The following ATG16L2 variants were observed in gnomAD, a reference collection of about 807,000 sequenced individuals.
ATG16L2 encodes the protein protein Atg16l2.
Under a neutral mutation model 84.7 loss-of-function variants are expected in ATG16L2, and 77 were observed. The ratio of observed to expected loss-of-function variants is 0.91; its 90% confidence interval spans 0.76 to 1.10. The LOEUF (loss-of-function observed/expected upper bound fraction) is 1.10, where lower values mean the gene tolerates loss of function less well. ATG16L2 is among the 50% of genes least tolerant of loss of function. ATG16L2 has a pLI of 0.00. For missense variants in ATG16L2, 782 were observed against 817.6 expected, an observed-to-expected ratio of 0.96 and a Z score of 0.53; for synonymous variants, 361 against 342.8, an observed-to-expected ratio of 1.05 and a Z score of -0.59.
chr11:72,823,749 GTC>G (rs1474043638), intron 7 of ATG16L2: 1 of 506,008 alleles, frequency 2.0e-6, no homozygotes, highest in African/African-American at 1.9e-5. Flanking sequence ...AACCTTCAGC[GTC>G]TCTCCTCCCT....
At chr11:72,834,522 T>C (rs1860676139), downstream of ATG16L2, among the ~76,000 whole-genome samples, 1 of 152,124 alleles carries the variant, frequency 6.6e-6, no homozygotes, top group African/African-American at 2.4e-5. Flanking sequence ...TCTCTGTATC[T>C]AGAAACAACT....
chr11:72,834,364 T>C (rs952023730), downstream of ATG16L2, among the ~76,000 whole-genome samples: 9 of 152,280 alleles, frequency 5.9e-5, no homozygotes, highest in East Asian at 1.9e-4. Flanking sequence ...TGGGATGCAG[T>C]TGCAATCTAG....
In ATG16L2 at chr11:72,829,373, G is replaced by A. The variant is rs1484692802; in HGVS notation, c.1843G>A (p.Val615Ile). 6.2e-7 allele frequency: 1 copy of A among 1,611,748 alleles called. No individual in the cohort carries two copies. Residue 615 changes from valine to isoleucine, a missense_variant, in exon 18 of 18, where the codon GTT becomes ATT. Transcript: ENST00000321297. ...HMVSVDQGRK[V>I]VLWQ ...GGTGAGCGTGGACCAGGGCAGGAAG[G>A]TTGTGCTCTGGCAGTAGGGCCACGA...
intron 15 of ATG16L2, 87 bp from the exon 16 acceptor site, chr11:72,828,642 C>A: frequency 1.3e-6 from 2 of 1,595,948 alleles, no homozygotes; most frequent in Non-Finnish European, 8.6e-7. Flanking sequence ...CCAAACCCCT[C>A]GACAAAGAGG....
downstream of ATG16L2, among the ~76,000 whole-genome samples, chr11:72,831,641 G>T (rs1238854484): frequency 6.6e-6 from 1 of 152,168 alleles, no homozygotes; most frequent in Admixed American, 6.5e-5. Flanking sequence ...GCCACCAGGG[G>T]TCACCAGCTG....
downstream of ATG16L2, among the ~76,000 whole-genome samples, chr11:72,830,644 G>A (rs1393232112): frequency 6.6e-6 from 1 of 152,220 alleles, no homozygotes; most frequent in African/African-American, 2.4e-5. Context: ...CCAACAGGGT[G>A]ACTTTCTAGG....
chr11:72,828,683 G>C (rs1293987576), intron 15 of ATG16L2, 46 bp from the exon 16 acceptor site: 1 of 1,611,052 alleles, frequency 6.2e-7, no homozygotes, highest in African/African-American at 1.3e-5. Context: ...AGAGGGCAGA[G>C]ACTAGTGATG....
At chr11:72,824,354 CAG>C in intron 8 of ATG16L2, 1 of 594,460 alleles carries the variant, frequency 1.7e-6, no homozygotes, top group Non-Finnish European at 3.0e-6. Flanking sequence ...AAGGTCGTCA[CAG>C]GGGACCAAGA....
At chr11:72,838,685 TGC>T in intron 5 of ATG16L2, 1 of 875,522 alleles carries the variant, frequency 1.1e-6, no homozygotes, top group Non-Finnish European at 1.8e-6. Flanking sequence ...CCTTGTTTTT[TGC>T]TCTGTTCAAG....
Position 72,828,500 on chromosome 11 carries a change from G to A in ATG16L2, c.1614G>A (p.Gln538=), listed in dbSNP as rs750803354. 6.2e-7 allele frequency: 1 copy of A among 1,614,188 alleles called. No individual in the cohort carries two copies. Among genetic ancestry groups the A allele is most frequent in the Non-Finnish European group, 8.5e-7 (1 of 1,180,048 alleles). Residue 538 remains glutamine, a synonymous_variant, in exon 15 of 18, where the codon CAG becomes CAA. Coordinates refer to ENST00000321297, the MANE Select transcript of ATG16L2 (RefSeq NM_033388.2). Reference sequence around the variant, plus strand: ...ACCTGCGTGTCAGCAACATCCGCCAGGTGTTCAGGTACCAGCCTCATGCCT... The same window carrying A: ...ACCTGCGTGTCAGCAACATCCGCCAAGTGTTCAGGTACCAGCCTCATGCCT... ...VIDLRVSNIR[Q]VFRADGFKCG...
chr11:72,815,800 G>A (rs940642747), intron 1 of ATG16L2: 2 of 152,076 alleles, frequency 1.3e-5, no homozygotes, highest in African/African-American at 4.8e-5. Context: ...AGCTAGGCCC[G>A]GACTTACCAC....
In ATG16L2 at chr11:72,828,501, G is replaced by A. The variant is rs1860493968; in HGVS notation, c.1615G>A (p.Val539Met). Residue 539 changes from valine (V) to methionine (M), a missense_variant, in exon 15 of 18, where the codon GTG (valine) becomes ATG (methionine). Physicochemically the swap from Val to Met is conservative, Grantham distance 21. Transcript: ENST00000321297. ...CCTGCGTGTCAGCAACATCCGCCAGGTGTTCAGGTACCAGCCTCATGCCTG... is the reference window on the plus strand; with the variant it reads ...CCTGCGTGTCAGCAACATCCGCCAGATGTTCAGGTACCAGCCTCATGCCTG... ...IDLRVSNIRQ[V>M]FRADGFKCGS... The A allele has an allele frequency of 6.2e-7, 1 of 1,614,180 alleles. No homozygotes were observed. Among genetic ancestry groups the A allele is most frequent in the East Asian group, 2.2e-5 (1 of 44,888 alleles).
intron 2 of ATG16L2, among the ~76,000 whole-genome samples, chr11:72,817,039 CCTTT>C (rs1274906271): frequency 6.6e-5 from 10 of 152,298 alleles, no homozygotes; most frequent in African/African-American, 1.7e-4. Flanking sequence ...TTCCCCTCCA[CCTTT>C]CTTTGTCCAT....
exon 6 of ATG16L2, chr11:72,843,242 C>T: frequency 6.2e-7 from 1 of 1,614,042 alleles, no homozygotes; most frequent in Non-Finnish European, 8.5e-7. Flanking sequence ...CGGCCAGGGA[C>T]TGCAGCATGC....
intron 9 of ATG16L2, 68 bp downstream of exon 9, chr11:72,824,910 G>C: frequency 7.4e-7 from 1 of 1,359,392 alleles, no homozygotes; most frequent in Admixed American, 2.5e-5. Flanking sequence ...GGTGGTCTCG[G>C]CACCAGGGGT....
At position 72,817,778 on chromosome 11, in the gene ATG16L2, G is replaced by T. The variant is rs765422473; in HGVS notation, c.241G>T (p.Asp81Tyr). The T allele has an allele frequency of 6.2e-7, 1 of 1,613,732 alleles. No homozygotes were observed. Among genetic ancestry groups the T allele is most frequent in the Non-Finnish European group, 8.5e-7 (1 of 1,180,018 alleles). The change falls in exon 3 of 18, where the codon GAC (aspartate) becomes TAC (tyrosine). Residue 81 changes from aspartate (D) to tyrosine (Y), a missense_variant. Asp to Tyr is a radical substitution (Grantham distance 160). Transcript: ENST00000321297. Reference protein sequence around the residue: ...GPWEESELDSDQVPSLVALRV... With the variant: ...GPWEESELDSYQVPSLVALRV... The stretch of plus-strand genomic sequence containing the variant: ...CAGGGAGGAGTCAGAGCTTGACTCA[G>T]ACCAAGTCCCATCACTGGTCGCACT...
chr11:72,827,011 G>A (rs1860402469), intron 13 of ATG16L2, 177 bp from the exon 14 acceptor site: 1 of 869,990 alleles, frequency 1.1e-6, no homozygotes, highest in Non-Finnish European at 1.7e-6. Context: ...GTTTCTTGGT[G>A]ACCTCAGGCT....
intron 5 of ATG16L2, chr11:72,838,207 G>T (rs192289484): frequency 6.5e-6 from 1 of 152,910 alleles, no homozygotes; most frequent in South Asian, 2.1e-4. Context: ...AGAGATGTGC[G>T]TTAATGCAAT....
Position 72,826,541 on chromosome 11 carries a change from T to C in ATG16L2, c.1197T>C (p.Thr399=), listed in dbSNP as rs376063409. Residue 399 remains threonine, a synonymous_variant, in exon 12 of 18, where the codon ACT becomes ACC. Transcript: ENST00000321297. The part of the protein sequence containing the change: ...DPSGYQVLAA[T]YNQAAQLWKV... ...AGGGCTACCAGGTTTTAGCAGCAACTTACAACCAGGCTGCCCAGCTCTGGA... is the reference window on the plus strand; with the variant it reads ...AGGGCTACCAGGTTTTAGCAGCAACCTACAACCAGGCTGCCCAGCTCTGGA... The C allele has an allele frequency of 5.0e-6, 8 of 1,613,956 alleles. No homozygotes were observed. In the African/African-American group the frequency reaches 9.3e-5, roughly 19 times the overall value.
Sources: allele counts gnomAD v4.1 joint callset (sites outside exome capture counted in the v4.1 genomes callset), GRCh38; gene constraint gnomAD v4.1.1; transcripts MANE v1.5; gene names NCBI Gene and HGNC (gene_info 2026-07-23, HGNC 2026-07-21).